RIF1: variants seen among roughly 807,000 people sequenced by gnomAD.
The protein encoded by RIF1 is replication timing regulatory factor 1.
A neutral mutation model predicts 247.1 loss-of-function variants in RIF1; 45 were observed. That is an observed-to-expected ratio of 0.18 (90% confidence interval 0.14 to 0.23). RIF1 has a LOEUF of 0.23. Among genes scored for constraint, RIF1 ranks in the 10% least tolerant of loss-of-function variants. The pLI, the probability that RIF1 is intolerant of heterozygous loss-of-function variation, is 1.00. For missense variants in RIF1, 2,967 were observed against 2,862.5 expected (o/e 1.04, Z -0.83); for synonymous variants, 1,087 against 978.8 (o/e 1.11, Z -2.06).
At chr2:151,453,598 AAAAAG>A (rs1299462624) in intron 21 of RIF1, among the ~76,000 whole-genome samples, 1 of 151,800 alleles carries the variant, frequency 6.6e-6, no homozygotes, top group Non-Finnish European at 1.5e-5. Flanking sequence ...AAAAAAAAAA[AAAAAG>A]GCAATTTTAC....
chr2:151,510,354 G>A (rs1266101242), downstream of RIF1, among the ~76,000 whole-genome samples: 1 of 152,152 alleles, frequency 6.6e-6, no homozygotes, highest in Non-Finnish European at 1.5e-5. Flanking sequence ...GAAACTTTTG[G>A]TGGGCTTTTG....
At chr2:151,492,826 G>A (rs1343437313) in intron 9 of RIF1, 2 of 194,378 alleles carry the variant, frequency 1.0e-5, no homozygotes, top group Non-Finnish European at 2.1e-5. Context: ...ATCTGACATT[G>A]TAGGGAATTT....
the RIF1 span, among the ~76,000 whole-genome samples, chr2:151,528,029 C>A: frequency 1.3e-5 from 2 of 152,130 alleles, no homozygotes; most frequent in African/African-American, 4.8e-5. Context: ...AAAATTAATT[C>A]ACCTAATCTT....
At chr2:151,507,953 T>G in exon 14 of RIF1, 2 of 1,339,980 alleles carry the variant, frequency 1.5e-6, no homozygotes, top group Non-Finnish European at 2.1e-6. Context: ...GGCATCTTCC[T>G]CAGCACCCCT....
In RIF1 at chr2:151,423,061, A is replaced by G. The variant is rs1329151689; in HGVS notation, c.786+19A>G. ...TGGAAGGGTAAGTGCCCAGTTAATG[A>G]ACAGTCAACAGTTTTTACATGCTGG... is the stretch of plus-strand genomic sequence containing the variant. On this transcript the variant is annotated intron_variant, in intron 8 of 35. Coordinates refer to ENST00000444746, the MANE Select transcript of RIF1 (RefSeq NM_018151.5). 2.3e-6 allele frequency: 3 copies of G among 1,284,658 alleles called. No homozygotes were observed. The highest frequency in any genetic ancestry group is 3.4e-6 in the Non-Finnish European group (3 of 885,642). The allele number at this position is 1,284,658 out of a possible 1,614,324, so 79.6% of individuals were successfully genotyped here.
Position 151,441,737 on chromosome 2 carries a change from T to C in RIF1, c.1648-168T>C, listed in dbSNP as rs114157860. On this transcript the variant is annotated intron_variant, in intron 15 of 35. Transcript: ENST00000444746. ...TGAACTTCTAAAACGGATGCAGATA[T>C]ATTCATGTTAGTGAATGAATGTATT... Among the ~76,000 whole-genome samples, 1,299 of 152,366 alleles carry C rather than the reference T, an allele frequency of 8.5e-3. 10 individuals carry two copies. Among genetic ancestry groups the C allele is most frequent in the Non-Finnish European group, 0.014 (932 of 68,026 alleles).
intron 15 of RIF1, among the ~76,000 whole-genome samples, chr2:151,440,922 CAG>C (rs1343671054): frequency 6.6e-6 from 1 of 152,170 alleles, no homozygotes; most frequent in African/African-American, 2.4e-5. Flanking sequence ...TTTCAGGTGA[CAG>C]TGTGTGAAAA....
At chr2:151,426,738 C>T (rs970925705) in intron 8 of RIF1, among the ~76,000 whole-genome samples, 1 of 151,834 alleles carries the variant, frequency 6.6e-6, no homozygotes, top group African/African-American at 2.4e-5. Flanking sequence ...CCTCAGCCTC[C>T]CGGGTTCAAG....
chr2:151,533,508 A>G, the RIF1 span: 1 of 1,549,886 alleles, frequency 6.5e-7, no homozygotes, highest in Non-Finnish European at 8.7e-7. Context: ...CATTACATCC[A>G]TGTTGCAGAA....
At chr2:151,499,741 C>A (rs950575889) in intron 11 of RIF1, among the ~76,000 whole-genome samples, 4 of 152,154 alleles carry the variant, frequency 2.6e-5, no homozygotes, top group Non-Finnish European at 5.9e-5. Context: ...ATTTTCTCTA[C>A]AAAAAGCGTT....
In RIF1 at chr2:151,420,101, T is replaced by G; in HGVS notation, c.504-89T>G. 6.6e-6 allele frequency: 7 copies of G among 1,053,332 alleles called. No individual in the cohort carries two copies. The South Asian group carries it at 1.1e-4, about 17-fold the overall frequency. The allele number at this position is 1,053,332 out of a possible 1,614,324, so 65.2% of individuals were successfully genotyped here. A position where few individuals can be genotyped will look rare whatever the true frequency, so the allele number is the denominator to read the frequency against. ...ATATTCTAAAACAAATGGGCCGTAC[T>G]GTGTATATTTCTGTTTCACCTATTT... is the stretch of plus-strand genomic sequence containing the variant. On this transcript the variant is annotated intron_variant, in intron 6 of 35. Coordinates refer to ENST00000444746, the MANE Select transcript of RIF1 (RefSeq NM_018151.5).
In RIF1 at chr2:151,460,154, A is replaced by T. The variant is rs557773527; in HGVS notation, c.3075+35A>T. ...CAAAAGTTTAATCAAAAATTTTAAGATAAAGTATATTGTAACTTACATACA... is the reference window on the plus strand; with the variant it reads ...CAAAAGTTTAATCAAAAATTTTAAGTTAAAGTATATTGTAACTTACATACA... On this transcript the variant is annotated intron_variant, in intron 26 of 35. Transcript: ENST00000444746. 23 of 1,433,044 alleles carry T rather than the reference A, an allele frequency of 1.6e-5. No individual in the cohort carries two copies. The Admixed American group carries it at 3.4e-4, about 21-fold the overall frequency. 88.8% of individuals were successfully genotyped at this position (1,433,044 alleles called of 1,614,324 possible). A position where few individuals can be genotyped will look rare whatever the true frequency, so the allele number is the denominator to read the frequency against.
chr2:151,429,137 C>A (rs1689606459), intron 9 of RIF1, among the ~76,000 whole-genome samples: 1 of 152,140 alleles, frequency 6.6e-6, no homozygotes, highest in South Asian at 2.1e-4. Context: ...CACAGTATTT[C>A]AAAAACTGAA....
At chr2:151,493,033 G>A (rs988892061) in intron 9 of RIF1, 1 of 270,248 alleles carries the variant, frequency 3.7e-6, no homozygotes, top group African/African-American at 2.3e-5. Context: ...GATTGAGGAT[G>A]TTAGGAAGTA....
At position 151,443,758 on chromosome 2, in the gene RIF1, T is replaced by C. The variant is rs1028217993; in HGVS notation, c.1986+49T>C. ...TTTTGGATAATAGACCTTTTTTTTTTGTTAGTGCAGTTGGGGAAATGAATA... is the reference window on the plus strand; with the variant it reads ...TTTTGGATAATAGACCTTTTTTTTTCGTTAGTGCAGTTGGGGAAATGAATA... On this transcript the variant is annotated intron_variant, in intron 18 of 35. Transcript: ENST00000444746. The C allele has an allele frequency of 2.6e-6, 3 of 1,152,930 alleles. No homozygotes were observed. The South Asian group carries it at 7.1e-5, about 27-fold the overall frequency. The allele number at this position is 1,152,930 out of a possible 1,614,324, so 71.4% of individuals were successfully genotyped here.
intron 21 of RIF1, among the ~76,000 whole-genome samples, chr2:151,453,012 T>A (rs1052322498): frequency 6.6e-6 from 1 of 152,094 alleles, no homozygotes; most frequent in Non-Finnish European, 1.5e-5. Context: ...GAAAGGAAAT[T>A]GTTATTATCA....
In RIF1 at chr2:151,468,565, T is replaced by G; in HGVS notation, c.6825+14T>G. On this transcript the variant is annotated intron_variant, in intron 32 of 35. Coordinates refer to ENST00000444746, the MANE Select transcript of RIF1 (RefSeq NM_018151.5). The stretch of plus-strand genomic sequence containing the variant: ...AAGAAGTGTTTAGTAAGAAGTGCTT[T>G]AGTTTTCATGTCACTTTATATTTTC... 6.2e-7 allele frequency: 1 copy of G among 1,608,056 alleles called. No individual in the cohort carries two copies. The highest frequency in any genetic ancestry group is 8.5e-7 in the Non-Finnish European group (1 of 1,174,474).
At chr2:151,413,220 C>A (rs915041632) in intron 3 of RIF1, among the ~76,000 whole-genome samples, 1 of 151,366 alleles carries the variant, frequency 6.6e-6, no homozygotes, top group African/African-American at 2.4e-5. Context: ...TTAGTAGAGA[C>A]GGGGGTTTCT....
chr2:151,525,224 G>A, the RIF1 span: 1 of 1,613,976 alleles, frequency 6.2e-7, no homozygotes, highest in Non-Finnish European at 8.5e-7. Flanking sequence ...CAGCATGATG[G>A]AGTAGTTGGA....
Sources: gnomAD v4.1 joint callset for allele counts (sites outside exome capture counted in the v4.1 genomes callset) on GRCh38, gnomAD v4.1.1 for gene constraint, MANE v1.5 for transcripts, NCBI Gene and HGNC (gene_info 2026-07-23, HGNC 2026-07-21) for gene names.